The following CLVS1 variants were observed in gnomAD, a reference collection of about 807,000 sequenced individuals.
CLVS1 encodes clavesin 1.
A neutral mutation model predicts 33.1 loss-of-function variants in CLVS1; 10 were observed. The observed-to-expected ratio is 0.30, with a 90% CI of 0.19 to 0.51. The LOEUF (loss-of-function observed/expected upper bound fraction) is 0.51. CLVS1 is among the 20% of genes least tolerant of loss of function. The pLI is 0.97. For synonymous variants in CLVS1, 163 were observed against 166.1 expected (o/e 0.98, Z 0.14); for missense variants, 343 against 433.4 (o/e 0.79, Z 1.85).
chr8:61,300,237 G>A lies in CLVS1; in HGVS notation c.410G>A (p.Gly137Asp). 1 of 1,613,894 alleles carries A rather than the reference G, an allele frequency of 6.2e-7. No homozygotes were observed. Among genetic ancestry groups the A allele is most frequent in the Non-Finnish European group, 8.5e-7 (1 of 1,179,912 alleles). Reference protein sequence around the residue: ...PGVLENRDHYGRKILLLFAAN... With the variant: ...PGVLENRDHYDRKILLLFAAN... The stretch of plus-strand genomic sequence containing the variant: ...GTGCTGGAAAACCGAGACCATTACG[G>A]CAGGAAGATTCTTTTGCTGTTTGCA... The change falls in exon 2 of 6, where the codon GGC (glycine) becomes GAC (aspartate). Residue 137 changes from glycine (G) to aspartate (D), a missense_variant. This residue lies in a region of CLVS1 where 166 missense variants were observed against 244.0 expected (regional missense o/e 0.68). Transcript: ENST00000325897.
chr8:61,119,371 C>T (rs1441583670), intron 1 of CLVS1, among the ~76,000 whole-genome samples: 1 of 150,990 alleles, frequency 6.6e-6, no homozygotes, highest in East Asian at 2.0e-4. Flanking sequence ...AGTCCATTTA[C>T]ATTTAAAGTT....
intron 2 of CLVS1, among the ~76,000 whole-genome samples, chr8:61,232,025 T>TTGTTTGTTTGTTTTG (rs969751955): frequency 9.5e-6 from 1 of 105,654 alleles, no homozygotes; most frequent in African/African-American, 3.9e-5. Context: ...AAGTTGTGGT[T>TTGTTTGTTTGTTTTG]TTTTTTTTTT....
chr8:61,356,258 G>T (rs1210186960), intron 2 of CLVS1, among the ~76,000 whole-genome samples: 2 of 152,110 alleles, frequency 1.3e-5, no homozygotes, highest in Admixed American at 1.3e-4. Context: ...TTTTGATGGG[G>T]TTGTTTGTTT....
In CLVS1 at chr8:61,259,293, C is replaced by T. The variant is rs138932248; in HGVS notation, c.-151-40384C>T. Among the ~76,000 whole-genome samples, 12 of 152,268 alleles carry T rather than the reference C, an allele frequency of 7.9e-5. No individual in the cohort carries two copies. The East Asian group carries it at 1.4e-3, about 17-fold the overall frequency. On this transcript the variant is annotated intron_variant, in intron 2 of 2. Transcript: ENST00000522621. Reference sequence around the variant, plus strand: ...AGGTGATAGGGGTTTCCTCCTAGCTCCATTCACAGAGCTCCCATTTTATGA... The same window carrying T: ...AGGTGATAGGGGTTTCCTCCTAGCTTCATTCACAGAGCTCCCATTTTATGA...
intron 2 of CLVS1, among the ~76,000 whole-genome samples, chr8:61,367,603 C>CT (rs1334382293): frequency 6.6e-6 from 1 of 152,218 alleles, no homozygotes; most frequent in Non-Finnish European, 1.5e-5. Flanking sequence ...ACCATCAGCA[C>CT]TTTCTGTGCA....
intron 2 of CLVS1, among the ~76,000 whole-genome samples, chr8:61,216,187 T>A (rs897384160): frequency 6.6e-6 from 1 of 152,206 alleles, no homozygotes; most frequent in East Asian, 1.9e-4. Flanking sequence ...TCTCACAGGA[T>A]AATAGATGAA....
chr8:61,014,627 G>A, the CLVS1 span, among the ~76,000 whole-genome samples: 1 of 152,198 alleles, frequency 6.6e-6, no homozygotes, highest in Admixed American at 6.5e-5. Context: ...TGACTGATCA[G>A]AGAAAAAAGC....
chr8:61,493,962 T>G (rs942123567), intron 5 of CLVS1, among the ~76,000 whole-genome samples: 1 of 152,144 alleles, frequency 6.6e-6, no homozygotes, highest in African/African-American at 2.4e-5. Context: ...GTCCCTTTGT[T>G]GGGGTCCACA....
At chr8:61,381,913 C>G (rs1351164750) in intron 3 of CLVS1, among the ~76,000 whole-genome samples, 1 of 152,040 alleles carries the variant, frequency 6.6e-6, no homozygotes, top group Non-Finnish European at 1.5e-5. Flanking sequence ...CATGCATGTG[C>G]CTTTGTGGTA....
rs983356246 is a variant in CLVS1, at chr8:61,309,652, G to A, written c.455+9370G>A. ...GTTCAGCTGTTTCTTGTCCCCTCAC[G>A]CCTTGCAGTAATTTATTTGATGGAT... is the stretch of plus-strand genomic sequence containing the variant. On this transcript the variant is annotated intron_variant, in intron 2 of 5. Transcript: ENST00000325897. Among the ~76,000 whole-genome samples, 22 of 152,262 alleles carry A rather than the reference G, an allele frequency of 1.4e-4. No homozygotes were observed. In the Middle Eastern group the frequency reaches 0.01, roughly 71 times the overall value.
chr8:61,007,005 A>G, the CLVS1 span, among the ~76,000 whole-genome samples: 1 of 152,236 alleles, frequency 6.6e-6, no homozygotes, highest in Non-Finnish European at 1.5e-5. Flanking sequence ...TAACATTAGC[A>G]CTACCAGTTC....
chr8:60,972,139 C>T, the CLVS1 span, among the ~76,000 whole-genome samples: 1 of 152,116 alleles, frequency 6.6e-6, no homozygotes, highest in Non-Finnish European at 1.5e-5. Context: ...GTCTTTCTCT[C>T]TCTCTCTCTA....
chr8:61,280,665 C>T (rs746493717), intron 2 of CLVS1, among the ~76,000 whole-genome samples: 4 of 152,126 alleles, frequency 2.6e-5, no homozygotes, highest in Non-Finnish European at 5.9e-5. Flanking sequence ...TTCCGTGGGC[C>T]TTTGCCTTAT....
intron 2 of CLVS1, among the ~76,000 whole-genome samples, chr8:61,232,429 C>T (rs572949822): frequency 1.4e-4 from 21 of 152,148 alleles, no homozygotes; most frequent in African/African-American, 4.3e-4. Context: ...TGGGAGGCCA[C>T]GTTTGGGACT....
At chr8:61,429,600 A>G (rs1042763435) in intron 3 of CLVS1, among the ~76,000 whole-genome samples, 2 of 152,100 alleles carry the variant, frequency 1.3e-5, no homozygotes, top group African/African-American at 4.8e-5. Context: ...TGTATTGGGG[A>G]TTAAGTATCT....
chr8:61,457,284 T>C (rs1340201139), intron 4 of CLVS1, among the ~76,000 whole-genome samples: 1 of 152,142 alleles, frequency 6.6e-6, no homozygotes, highest in African/African-American at 2.4e-5. Context: ...TGTGCATGCA[T>C]GTGTGTATAC....
At chr8:61,232,041 T>TTTTTTTTTGTTTTG (rs1808454675) in intron 2 of CLVS1, among the ~76,000 whole-genome samples, 1 of 116,004 alleles carries the variant, frequency 8.6e-6, no homozygotes, top group African/African-American at 4.8e-5. Flanking sequence ...TTTTTTTTTT[T>TTTTTTTTTGTTTTG]TTTTTTTTTG....
Position 61,213,830 on chromosome 8 carries a change from C to T in CLVS1, c.-152+81970C>T, listed in dbSNP as rs184210894. Among the ~76,000 whole-genome samples the T allele has an allele frequency of 1.4e-3, 218 of 152,310 alleles. 1 individual carries two copies. Among genetic ancestry groups the T allele is most frequent in the Admixed American group, 3.8e-3 (58 of 15,306 alleles). On this transcript the variant is annotated intron_variant, in intron 2 of 2. Coordinates refer to the CLVS1 transcript ENST00000522621. The stretch of plus-strand genomic sequence containing the variant: ...AGGGAATAAGAGAGATAACCTTAAA[C>T]TCTGACCACCGGTGAGCCGGGTGGA...
intron 2 of CLVS1, among the ~76,000 whole-genome samples, chr8:61,245,715 C>T (rs1808792114): frequency 6.6e-6 from 1 of 151,246 alleles, no homozygotes; most frequent in African/African-American, 2.4e-5. Flanking sequence ...TACCTTTTGG[C>T]TTTTTTTAAG....
Sources: gnomAD v4.1 joint callset for allele counts (sites outside exome capture counted in the v4.1 genomes callset) on GRCh38, gnomAD v4.1.1 for gene constraint, gnomAD v4.1.1 regional missense constraint, MANE v1.5 for transcripts, NCBI Gene and HGNC (gene_info 2026-07-23, HGNC 2026-07-21) for gene names.